RBFOX1: variants seen among roughly 807,000 people sequenced by gnomAD.
RBFOX1 encodes the protein RNA binding protein fox-1 homolog 1.
RBFOX1 carries 8 observed loss-of-function variants against 57.7 expected under a neutral mutation model. The ratio of observed to expected loss-of-function variants is 0.14; its 90% confidence interval spans 0.08 to 0.25. The LOEUF is 0.25. Among genes scored for constraint, RBFOX1 ranks in the 10% least tolerant of loss-of-function variants. The pLI is 1.00. For missense variants in RBFOX1, 611 were observed against 548.5 expected (o/e 1.11, Z -1.14); for synonymous variants, 326 against 222.4 (o/e 1.47, Z -4.15).
chr16:7,050,835 T>C (rs774718297), intron 3 of RBFOX1, among the ~76,000 whole-genome samples: 7 of 152,162 alleles, frequency 4.6e-5, no homozygotes, highest in Non-Finnish European at 7.4e-5. Context: ...GACATGGAAA[T>C]AAACATTTGT....
chr16:7,518,737 C>T (rs1025867528), intron 5 of RBFOX1, among the ~76,000 whole-genome samples: 7 of 151,992 alleles, frequency 4.6e-5, no homozygotes, highest in Non-Finnish European at 5.9e-5. Context: ...TCAAGTCTTA[C>T]GGAGGCTGGG....
chr16:6,936,518 C>T (rs1372107625), intron 3 of RBFOX1, among the ~76,000 whole-genome samples: 3 of 152,098 alleles, frequency 2.0e-5, no homozygotes, highest in Admixed American at 6.5e-5. Context: ...TATCCAGAAA[C>T]GTAAAATGCT....
intron 3 of RBFOX1, among the ~76,000 whole-genome samples, chr16:5,843,866 A>T (rs572885797): frequency 6.6e-6 from 1 of 152,222 alleles, no homozygotes; most frequent in Non-Finnish European, 1.5e-5. Flanking sequence ...ACAAGGAGAG[A>T]AGTATGCAGC....
intron 4 of RBFOX1, among the ~76,000 whole-genome samples, chr16:7,194,670 G>A (rs2086242367): frequency 1.3e-5 from 2 of 152,158 alleles, no homozygotes; most frequent in South Asian, 4.1e-4. Context: ...GCTCATGTCT[G>A]TAATCCCAGC....
intron 3 of RBFOX1, among the ~76,000 whole-genome samples, chr16:6,698,751 C>G (rs988991734): frequency 6.6e-6 from 1 of 152,136 alleles, no homozygotes; most frequent in Non-Finnish European, 1.5e-5. Context: ...TTTGTTCTGC[C>G]CTGTTTTCCT....
intron 1 of RBFOX1, among the ~76,000 whole-genome samples, chr16:5,385,676 T>G (rs955848406): frequency 9.9e-5 from 15 of 152,158 alleles, no homozygotes; most frequent in Non-Finnish European, 1.3e-4. Context: ...TCTCTGTAAG[T>G]TTCAGCTTCT....
At chr16:7,567,160 T>TATATCCATATATATATCCCTATATATAA (rs2091906426) in intron 5 of RBFOX1, among the ~76,000 whole-genome samples, 1 of 146,644 alleles carries the variant, frequency 6.8e-6, no homozygotes, top group Admixed American at 6.9e-5. Flanking sequence ...CCTATATATA[T>TATATCCATATATATATCCCTATATATAA]ATCCATATAT....
chr16:6,943,562 G>C (rs2078933590), intron 3 of RBFOX1, among the ~76,000 whole-genome samples: 1 of 152,068 alleles, frequency 6.6e-6, no homozygotes, highest in Admixed American at 6.6e-5. Flanking sequence ...CAAAAAATTA[G>C]CCAGGCGCGG....
intron 3 of RBFOX1, among the ~76,000 whole-genome samples, chr16:6,840,152 G>A (rs1413044213): frequency 6.6e-6 from 1 of 152,068 alleles, no homozygotes; most frequent in Non-Finnish European, 1.5e-5. Context: ...AGATAATCAG[G>A]CACCGTTTTG....
intron 3 of RBFOX1, among the ~76,000 whole-genome samples, chr16:6,886,609 G>T (rs1004147911): frequency 6.6e-6 from 1 of 151,818 alleles, no homozygotes; most frequent in Admixed American, 6.6e-5. Context: ...AAAAAAATTA[G>T]CTGGGCGTGG....
At chr16:5,789,784 C>G (rs181857722) in intron 3 of RBFOX1, among the ~76,000 whole-genome samples, 2 of 152,334 alleles carry the variant, frequency 1.3e-5, no homozygotes, top group East Asian at 3.9e-4. Context: ...AAGTCCTAAT[C>G]TGATCTCAAG....
intron 3 of RBFOX1, among the ~76,000 whole-genome samples, chr16:6,700,932 T>C (rs2061724413): frequency 6.6e-6 from 1 of 152,128 alleles, no homozygotes; most frequent in Admixed American, 6.5e-5. Flanking sequence ...TTAACCATTG[T>C]TCGAGGTTGG....
chr16:6,483,600 G>A (rs1339139790), intron 2 of RBFOX1: 1 of 1,505,776 alleles, frequency 6.6e-7, no homozygotes, highest in Non-Finnish European at 8.9e-7. Context: ...GAAAGAGGGA[G>A]AGAGGGAGGG....
chr16:7,585,300 G>A (rs796363913), intron 6 of RBFOX1, among the ~76,000 whole-genome samples: 67 of 152,250 alleles, frequency 4.4e-4, no homozygotes, highest in African/African-American at 1.6e-3. Context: ...TATTTCCAGT[G>A]ATTTTTCTCT....
At chr16:7,317,801 G>C (rs765714422) in intron 4 of RBFOX1, among the ~76,000 whole-genome samples, 1 of 152,208 alleles carries the variant, frequency 6.6e-6, no homozygotes, top group Non-Finnish European at 1.5e-5. Flanking sequence ...CGACTTCTCT[G>C]CAGTTTCATT....
chr16:7,082,216 G>A lies in RBFOX1; in HGVS notation c.27+30118G>A, dbSNP rs367732443. Among the ~76,000 whole-genome samples, 8 of 152,150 alleles carry A rather than the reference G, an allele frequency of 5.3e-5. No homozygotes were observed. The East Asian group carries it at 1.4e-3, about 26-fold the overall frequency. On this transcript the variant is annotated intron_variant, in intron 4 of 15. Transcript: ENST00000550418. ...ACATTGAAGACCTATGGTTCAGGAT[G>A]AATCTACCTTCTCAGGAGCTTCAGT...
intron 1 of RBFOX1, among the ~76,000 whole-genome samples, chr16:5,273,430 A>T (rs1162404918): frequency 1.3e-5 from 2 of 151,864 alleles, no homozygotes; most frequent in Non-Finnish European, 2.9e-5. Context: ...TCTAGTTCCC[A>T]CTCTCAGCCC....
chr16:6,715,040 A>G (rs1457765674), intron 3 of RBFOX1, among the ~76,000 whole-genome samples: 2 of 152,094 alleles, frequency 1.3e-5, no homozygotes, highest in Admixed American at 1.3e-4. Flanking sequence ...CTGCAGAGAA[A>G]TCCATATTTG....
chr16:5,604,096 G>C (rs1263218271), downstream of RBFOX1, among the ~76,000 whole-genome samples: 1 of 152,092 alleles, frequency 6.6e-6, no homozygotes, highest in Non-Finnish European at 1.5e-5. Flanking sequence ...AAGGCAGTAA[G>C]CATAGTGCAG....
Sources: allele counts gnomAD v4.1 joint callset (sites outside exome capture counted in the v4.1 genomes callset), GRCh38; gene constraint gnomAD v4.1.1; transcripts MANE v1.5; gene names NCBI Gene and HGNC (gene_info 2026-07-23, HGNC 2026-07-21).